Variants in SLC14A2 observed in about 807,000 individuals in gnomAD.
SLC14A2 encodes urea transporter 2.
SLC14A2 carries 91 observed loss-of-function variants against 104.6 expected under a neutral mutation model. The ratio of observed to expected loss-of-function variants is 0.87; its 90% CI spans 0.73 to 1.04. The LOEUF (loss-of-function observed/expected upper bound fraction) is 1.04. SLC14A2 is among the 50% of genes least tolerant of loss of function. The probability of loss-of-function intolerance (pLI) is 0.00; values close to 1 mark genes in which losing one functional copy is unlikely to be tolerated. For synonymous variants in SLC14A2, 476 were observed against 466.4 expected (o/e 1.02, Z -0.27); for missense variants, 1,189 against 1,156.0 (o/e 1.03, Z -0.41).
At chr18:45,510,333 T>G (rs933998943) in intron 2 of SLC14A2, among the ~76,000 whole-genome samples, 1 of 152,180 alleles carries the variant, frequency 6.6e-6, no homozygotes, top group Non-Finnish European at 1.5e-5. Flanking sequence ...ATGCAACTTA[T>G]AGTGATTTAT....
intron 2 of SLC14A2, among the ~76,000 whole-genome samples, chr18:45,525,130 G>A (rs796588472): frequency 1.8e-4 from 27 of 149,644 alleles, no homozygotes; most frequent in African/African-American, 6.4e-4. Context: ...TTTGCATATA[G>A]ACACACACAC....
chr18:45,334,426 G>A (rs552217281), intron 1 of SLC14A2, among the ~76,000 whole-genome samples: 1 of 152,192 alleles, frequency 6.6e-6, no homozygotes, highest in Non-Finnish European at 1.5e-5. Flanking sequence ...TTGTAATTCT[G>A]GAAACTTCCT....
chr18:45,656,117 A>T (rs2045832138), intron 10 of SLC14A2, among the ~76,000 whole-genome samples: 2 of 152,232 alleles, frequency 1.3e-5, no homozygotes, highest in Non-Finnish European at 2.9e-5. Context: ...GTGCATTGTA[A>T]CTAACAATAG....
At chr18:45,484,310 TG>T (rs1453711254) in intron 2 of SLC14A2, among the ~76,000 whole-genome samples, 2 of 152,326 alleles carry the variant, frequency 1.3e-5, no homozygotes, top group South Asian at 4.1e-4. Flanking sequence ...ACTAATCATA[TG>T]GGCCTCTCCT....
At chr18:45,232,626 T>C (rs1435776961) in intron 1 of SLC14A2, among the ~76,000 whole-genome samples, 1 of 152,224 alleles carries the variant, frequency 6.6e-6, no homozygotes, top group Non-Finnish European at 1.5e-5. Context: ...TACAGGAGGC[T>C]GTCACCATAG....
intron 1 of SLC14A2, among the ~76,000 whole-genome samples, chr18:45,349,079 A>G (rs896780525): frequency 6.6e-6 from 1 of 152,220 alleles, no homozygotes; most frequent in African/African-American, 2.4e-5. Flanking sequence ...ACAGTGTGTA[A>G]TGGAGTTTCA....
chr18:45,521,191 G>A (rs1455082359), intron 2 of SLC14A2, among the ~76,000 whole-genome samples: 2 of 152,228 alleles, frequency 1.3e-5, no homozygotes, highest in Non-Finnish European at 2.9e-5. Flanking sequence ...GGGACTCAAT[G>A]CCAGTTTGAT....
intron 1 of SLC14A2, among the ~76,000 whole-genome samples, chr18:45,471,894 A>G (rs1217301050): frequency 6.7e-6 from 1 of 149,602 alleles, no homozygotes; most frequent in Non-Finnish European, 1.5e-5. Context: ...TTTTTTTATT[A>G]TACTTTAAGT....
At chr18:45,191,179 G>T in the SLC14A2 span, among the ~76,000 whole-genome samples, 2 of 151,962 alleles carry the variant, frequency 1.3e-5, no homozygotes, top group African/African-American at 4.8e-5. Context: ...TCCCCCAATA[G>T]ACTAAGCTCC....
chr18:45,528,993 G>A (rs2144826726), intron 2 of SLC14A2: 1 of 152,324 alleles, frequency 6.6e-6, no homozygotes, highest in East Asian at 1.9e-4. Flanking sequence ...AGACTTCTGA[G>A]GGGTCAGATG....
chr18:45,288,005 G>A (rs959129989), intron 1 of SLC14A2, among the ~76,000 whole-genome samples: 2 of 152,204 alleles, frequency 1.3e-5, no homozygotes, highest in Non-Finnish European at 2.9e-5. Flanking sequence ...CTTTGAGCAA[G>A]TTGCTTTAAT....
intron 1 of SLC14A2, among the ~76,000 whole-genome samples, chr18:45,441,374 C>T (rs1205728607): frequency 6.6e-6 from 1 of 152,102 alleles, no homozygotes; most frequent in African/African-American, 2.4e-5. Context: ...ATTTCTCTGC[C>T]CTCACACTCC....
chr18:45,592,053 T>C (rs954826258), intron 2 of SLC14A2, among the ~76,000 whole-genome samples: 8 of 152,138 alleles, frequency 5.3e-5, no homozygotes, highest in African/African-American at 1.7e-4. Flanking sequence ...AGGGCAGTAA[T>C]ATATATACAG....
At chr18:45,376,968 C>T (rs1463140890) in intron 1 of SLC14A2, among the ~76,000 whole-genome samples, 1 of 152,126 alleles carries the variant, frequency 6.6e-6, no homozygotes, top group Non-Finnish European at 1.5e-5. Flanking sequence ...CATTGTTAAC[C>T]TTGCTGTCCT....
chr18:45,456,560 G>A (rs1054304660), intron 1 of SLC14A2, among the ~76,000 whole-genome samples: 2 of 152,198 alleles, frequency 1.3e-5, no homozygotes, highest in Non-Finnish European at 2.9e-5. Flanking sequence ...CAAGTGCTCA[G>A]GGATTGGGGC....
At chr18:45,189,883 G>A in the SLC14A2 span, among the ~76,000 whole-genome samples, 2 of 151,850 alleles carry the variant, frequency 1.3e-5, no homozygotes, top group Non-Finnish European at 2.9e-5. Flanking sequence ...CCATCCCTAG[G>A]GCAGTCCCAT....
chr18:45,324,269 C>T (rs957627424), intron 1 of SLC14A2, among the ~76,000 whole-genome samples: 42 of 152,268 alleles, frequency 2.8e-4, no homozygotes, highest in African/African-American at 9.4e-4. Flanking sequence ...TTTTAAACCA[C>T]GCCATGGTGG....
At chr18:45,242,346 A>G (rs1018313368) in intron 1 of SLC14A2, among the ~76,000 whole-genome samples, 2 of 152,236 alleles carry the variant, frequency 1.3e-5, no homozygotes, top group African/African-American at 4.8e-5. Context: ...GTAAAAGTCA[A>G]TATAAATTCA....
intron 1 of SLC14A2, among the ~76,000 whole-genome samples, chr18:45,215,510 C>T (rs900444064): frequency 3.3e-5 from 5 of 152,164 alleles, no homozygotes; most frequent in African/African-American, 4.8e-5. Flanking sequence ...TCATGACTTC[C>T]TTGTGAATGT....
Sources: gnomAD v4.1 joint callset for allele counts (sites outside exome capture counted in the v4.1 genomes callset) on GRCh38, gnomAD v4.1.1 for gene constraint, MANE v1.5 for transcripts, NCBI Gene and HGNC (gene_info 2026-07-23, HGNC 2026-07-21) for gene names.